Variants in WDR41 observed in about 807,000 individuals in gnomAD.
WDR41 encodes the protein WD repeat domain 41.
A neutral mutation model predicts 69.3 loss-of-function variants in WDR41; 63 were observed. The observed-to-expected ratio is 0.91, with a 90% confidence interval of 0.74 to 1.12. The LOEUF (loss-of-function observed/expected upper bound fraction) is 1.12. WDR41 is among the 50% of genes most tolerant of loss of function. WDR41 has a pLI of 0.00. For missense variants in WDR41, 543 were observed against 534.5 expected, an observed-to-expected ratio of 1.02 and a Z score of -0.16; for synonymous variants, 185 against 192.1, an observed-to-expected ratio of 0.96 and a Z score of 0.31.
rs200913001 is a variant in WDR41, at chr5:77,468,919, T to C, written c.168-4110A>G. On this transcript the variant is annotated intron_variant, in intron 2 of 12. Coordinates refer to ENST00000296679, the MANE Select transcript of WDR41 (RefSeq NM_018268.4). ...TTGATATATCTCTAAAGTCTCTTTTTTCTATGGTTTTGTTCTCCATCTTTT... is the reference window on the plus strand; with the variant it reads ...TTGATATATCTCTAAAGTCTCTTTTCTCTATGGTTTTGTTCTCCATCTTTT... Among the ~76,000 whole-genome samples, 7 of 11,156 alleles carry C rather than the reference T, an allele frequency of 6.3e-4. No homozygotes were observed. In the African/African-American group the frequency reaches 9.7e-3, roughly 15 times the overall value. 7.3% of individuals were successfully genotyped at this position (11,156 alleles called of 152,430 possible).
At chr5:77,507,351 T>G (rs189762029) in intron 1 of WDR41, among the ~76,000 whole-genome samples, 35 of 152,348 alleles carry the variant, frequency 2.3e-4, no homozygotes, top group African/African-American at 7.7e-4. Context: ...CAATAGTGCT[T>G]CTAGAGGCAA....
At chr5:77,558,103 AAAAAAAAAAAAAAC>A (rs989255627) in intron 1 of WDR41, among the ~76,000 whole-genome samples, 2 of 149,840 alleles carry the variant, frequency 1.3e-5, no homozygotes, top group African/African-American at 4.9e-5. Flanking sequence ...TTAAAAAAAA[AAAAAAAAAAAAAAC>A]AAAACAGGAG....
chr5:77,440,685 T>C, intron 9 of WDR41, 128 bp downstream of exon 9: 6 of 885,884 alleles, frequency 6.8e-6, no homozygotes, highest in Non-Finnish European at 9.9e-6. Context: ...AAAAAGACCA[T>C]TTTAAAGCAC....
At chr5:77,433,376 T>G (rs1798803298) in intron 12 of WDR41, 89 bp from the exon 13 acceptor site, 1 of 1,208,358 alleles carries the variant, frequency 8.3e-7, no homozygotes, top group South Asian at 1.8e-5. Flanking sequence ...GTGAGATATG[T>G]GCCTTAAAGA....
Position 77,463,194 on chromosome 5 carries a change from G to C in WDR41, c.249C>G (p.His83Gln). 6.2e-7 allele frequency: 1 copy of C among 1,611,732 alleles called. No homozygotes were observed. The highest frequency in any genetic ancestry group is 2.2e-5 in the East Asian group (1 of 44,656). Residue 83 changes from histidine (H) to glutamine (Q), a missense_variant, in exon 4 of 13, where the codon CAC becomes CAG. Transcript: ENST00000296679. ...TAATAATAGCTGTTATCTTTTGAGT[G>C]TGTCCATTCAGTTCTAAAAGTTTTT... ...TGEKLLELNG[H>Q]TQKITAIITF...
intron 1 of WDR41, among the ~76,000 whole-genome samples, chr5:77,550,822 T>C (rs1743281919): frequency 6.6e-6 from 1 of 152,126 alleles, no homozygotes; most frequent in South Asian, 2.1e-4. Flanking sequence ...AGCAAAGACA[T>C]GGAGTCAATC....
intron 1 of WDR41, among the ~76,000 whole-genome samples, chr5:77,500,190 A>T (rs1581775080): frequency 6.6e-6 from 1 of 152,378 alleles, no homozygotes; most frequent in African/African-American, 2.4e-5. Flanking sequence ...CATGGCAATT[A>T]TAAACACTCT....
At chr5:77,548,602 G>A (rs1463061027) in intron 1 of WDR41, among the ~76,000 whole-genome samples, 1 of 152,178 alleles carries the variant, frequency 6.6e-6, no homozygotes, top group Non-Finnish European at 1.5e-5. Flanking sequence ...CTGCTAGAAT[G>A]GCCATAATCA....
In WDR41 at chr5:77,431,119, AC is replaced by A. The variant is rs923611895; in HGVS notation, c.*2015del. On this transcript the variant is annotated 3_prime_UTR_variant, in exon 13 of 13. Transcript: ENST00000296679. ...TAAAGGAGCATCAGGATTTGAGATG[AC>A]AGACTCTAAATTTTGAAAGAAGTTC... 99 of 150,820 alleles carry A rather than the reference AC, an allele frequency of 6.6e-4. No individual in the cohort carries two copies. Among genetic ancestry groups the A allele is most frequent in the African/African-American group, 2.3e-3 (94 of 41,450 alleles). The allele number at this position is 150,820 out of a possible 1,614,324, so 9.3% of individuals were successfully genotyped here. A position where few individuals can be genotyped will look rare whatever the true frequency, so the allele number is the denominator to read the frequency against.
At chr5:77,612,559 C>T (rs1222485725) in intron 1 of WDR41, among the ~76,000 whole-genome samples, 19 of 152,194 alleles carry the variant, frequency 1.2e-4, no homozygotes, top group African/African-American at 4.1e-4. Flanking sequence ...ATTATCTCAA[C>T]AGATGCAGAA....
intron 1 of WDR41, among the ~76,000 whole-genome samples, chr5:77,504,131 A>C (rs1802067716): frequency 6.6e-6 from 1 of 150,406 alleles, no homozygotes; most frequent in African/African-American, 2.5e-5. Context: ...GACTGCTAGC[A>C]AGACTAATAA....
At chr5:77,452,278 G>A (rs1301158976) in intron 6 of WDR41, 3 of 152,264 alleles carry the variant, frequency 2.0e-5, no homozygotes, top group Non-Finnish European at 4.4e-5. Flanking sequence ...GAAGGCAGAG[G>A]ACATGGGAGA....
At chr5:77,441,071 G>C in intron 8 of WDR41, 74 bp from the exon 9 acceptor site, 1 of 1,494,746 alleles carries the variant, frequency 6.7e-7, no homozygotes, top group South Asian at 1.3e-5. Flanking sequence ...GGAATGTCTA[G>C]TAGTAATGCC....
At chr5:77,609,136 A>G (rs570961299) in intron 1 of WDR41, among the ~76,000 whole-genome samples, 1 of 152,356 alleles carries the variant, frequency 6.6e-6, no homozygotes, top group African/African-American at 2.4e-5. Context: ...TTGCTTAGGT[A>G]AACAAAGCAG....
intron 1 of WDR41, among the ~76,000 whole-genome samples, chr5:77,530,971 T>G (rs1049740470): frequency 6.6e-6 from 1 of 151,752 alleles, no homozygotes; most frequent in African/African-American, 2.4e-5. Flanking sequence ...AAAATGAACT[T>G]GCACCCTTAC....
intron 1 of WDR41, among the ~76,000 whole-genome samples, chr5:77,553,032 T>G (rs2112244139): frequency 6.6e-6 from 1 of 152,254 alleles, no homozygotes; most frequent in African/African-American, 2.4e-5. Context: ...AAAGAAAAAC[T>G]GATGAATTGG....
At chr5:77,502,519 A>C (rs945941698) in intron 1 of WDR41, among the ~76,000 whole-genome samples, 1 of 152,184 alleles carries the variant, frequency 6.6e-6, no homozygotes, top group Non-Finnish European at 1.5e-5. Flanking sequence ...AAAATAGATA[A>C]CACCACAAAG....
Position 77,464,924 on chromosome 5 carries a change from T to G in WDR41, c.168-115A>C, listed in dbSNP as rs112846844. Reference sequence around the variant, plus strand: ...TTGACTAATATTAACGAAGATCAAGTTATTTCAGCTAATTTAAAAAATATT... The same window carrying G: ...TTGACTAATATTAACGAAGATCAAGGTATTTCAGCTAATTTAAAAAATATT... On this transcript the variant is annotated intron_variant, in intron 2 of 12. Coordinates refer to ENST00000296679, the MANE Select transcript of WDR41 (RefSeq NM_018268.4). The G allele has an allele frequency of 1.5e-5, 15 of 1,003,364 alleles. No individual in the cohort carries two copies. The South Asian group carries it at 2.2e-4, about 15-fold the overall frequency. The allele number at this position is 1,003,364 out of a possible 1,614,324, so 62.2% of individuals were successfully genotyped here.
At chr5:77,609,204 G>A (rs1359042325) in intron 1 of WDR41, among the ~76,000 whole-genome samples, 1 of 152,230 alleles carries the variant, frequency 6.6e-6, no homozygotes, top group Non-Finnish European at 1.5e-5. Context: ...GCCTGCATCT[G>A]TAGGCTCCAC....
Sources: allele counts gnomAD v4.1 joint callset (sites outside exome capture counted in the v4.1 genomes callset), GRCh38; gene constraint gnomAD v4.1.1; transcripts MANE v1.5; gene names NCBI Gene and HGNC (gene_info 2026-07-23, HGNC 2026-07-21).